TENM2: variants seen among roughly 807,000 people sequenced by gnomAD.
TENM2 encodes the protein teneurin-2.
In TENM2, 52 loss-of-function variants were observed where a neutral mutation model predicts 245.2. That is an observed-to-expected ratio of 0.21 (90% CI 0.17 to 0.27). The LOEUF (loss-of-function observed/expected upper bound fraction) is 0.27, where lower values mean the gene tolerates loss of function less well. TENM2 is among the 10% of genes least tolerant of loss of function. TENM2 has a pLI of 1.00. For synonymous variants in TENM2, 1,363 were observed against 1,438.9 expected (o/e 0.95, Z 1.19); for missense variants, 3,046 against 3,666.8 (o/e 0.83, Z 4.37).
intron 25 of TENM2, among the ~76,000 whole-genome samples, chr5:168,228,354 T>C (rs188199614): frequency 8.0e-4 from 122 of 152,336 alleles, no homozygotes; most frequent in African/African-American, 2.8e-3. Flanking sequence ...TTGGGACTCA[T>C]ACCTTGGGAA....
At chr5:167,306,064 T>G (rs1329537559) in intron 1 of TENM2, among the ~76,000 whole-genome samples, 1 of 152,092 alleles carries the variant, frequency 6.6e-6, no homozygotes, top group Non-Finnish European at 1.5e-5. Flanking sequence ...CTACCCAGGG[T>G]TGCTTAAGGG....
chr5:167,262,277 G>A, the TENM2 span, among the ~76,000 whole-genome samples: 2 of 151,690 alleles, frequency 1.3e-5, no homozygotes, highest in African/African-American at 2.4e-5. Flanking sequence ...AGAATCGCTT[G>A]AACCTGGGAG....
chr5:167,557,133 T>C (rs1480398565), intron 2 of TENM2, among the ~76,000 whole-genome samples: 1 of 152,252 alleles, frequency 6.6e-6, no homozygotes, highest in Non-Finnish European at 1.5e-5. Context: ...CATTGGCATG[T>C]GAAAATTTAA....
rs1250285630 is a variant in TENM2 at position 167,394,949 on chromosome 5, C to G, written c.502+19476C>G. Reference sequence around the variant, plus strand: ...GATGCCTCCAGCTTTGTTCTTCTTTCTCAAGATTGCTTTGGCTTTGAACCA... The same window carrying G: ...GATGCCTCCAGCTTTGTTCTTCTTTGTCAAGATTGCTTTGGCTTTGAACCA... On this transcript the variant is annotated intron_variant, in intron 2 of 28. Transcript: ENST00000518659. Among the ~76,000 whole-genome samples the G allele has an allele frequency of 2.0e-5, 3 of 152,108 alleles. No homozygotes were observed. In the East Asian group the frequency reaches 5.8e-4, roughly 29 times the overall value.
At chr5:167,696,980 A>C (rs1757809013) in intron 2 of TENM2, among the ~76,000 whole-genome samples, 1 of 152,250 alleles carries the variant, frequency 6.6e-6, no homozygotes, top group Non-Finnish European at 1.5e-5. Context: ...TGAGGCCGTC[A>C]ACCAGGCCCT....
chr5:168,042,155 C>T (rs1011603364), intron 5 of TENM2, among the ~76,000 whole-genome samples: 1 of 152,100 alleles, frequency 6.6e-6, no homozygotes, highest in Non-Finnish European at 1.5e-5. Flanking sequence ...TCTCTAAGGC[C>T]CTTGTGTATC....
chr5:168,027,886 G>A (rs777324706), intron 5 of TENM2, among the ~76,000 whole-genome samples: 2 of 152,132 alleles, frequency 1.3e-5, no homozygotes, highest in East Asian at 1.9e-4. Context: ...TAGGTACTAC[G>A]GCAGATTTAT....
intron 2 of TENM2, among the ~76,000 whole-genome samples, chr5:167,545,199 A>G (rs752202666): frequency 6.6e-6 from 1 of 152,158 alleles, no homozygotes; most frequent in Non-Finnish European, 1.5e-5. Context: ...TACTAAATGA[A>G]CATAATACTG....
chr5:167,190,510 T>TA, the TENM2 span, among the ~76,000 whole-genome samples: 2 of 152,068 alleles, frequency 1.3e-5, no homozygotes, highest in African/African-American at 4.8e-5. Context: ...CAAAAGTCTT[T>TA]AACATTGAGC....
intron 2 of TENM2, among the ~76,000 whole-genome samples, chr5:167,558,579 C>T (rs572899340): frequency 5.3e-5 from 8 of 152,198 alleles, no homozygotes; most frequent in Admixed American, 2.0e-4. Context: ...TTATGAAATG[C>T]GCATGCATGG....
At chr5:168,228,012 C>T in exon 25 of TENM2, 1 of 1,613,860 alleles carries the variant, frequency 6.2e-7, no homozygotes, top group East Asian at 2.2e-5. Context: ...ACCATCACCC[C>T]CACCATTGGA....
chr5:167,347,597 C>CA (rs1313943571), intron 1 of TENM2, among the ~76,000 whole-genome samples: 1 of 152,026 alleles, frequency 6.6e-6, no homozygotes, highest in Non-Finnish European at 1.5e-5. Flanking sequence ...TAATGGGGTA[C>CA]AAAGAAATGG....
chr5:167,717,378 A>T (rs1035038701), intron 2 of TENM2, among the ~76,000 whole-genome samples: 27 of 152,112 alleles, frequency 1.8e-4, no homozygotes, highest in African/African-American at 6.5e-4. Context: ...TACCCGCCTC[A>T]CTTTAAGTTC....
At chr5:167,648,808 T>C (rs569016901) in intron 2 of TENM2, among the ~76,000 whole-genome samples, 5 of 152,298 alleles carry the variant, frequency 3.3e-5, no homozygotes, top group Non-Finnish European at 5.9e-5. Context: ...TTTGAGGGAC[T>C]AGGAAACAGT....
chr5:167,167,238 C>G, the TENM2 span, among the ~76,000 whole-genome samples: 1 of 152,146 alleles, frequency 6.6e-6, no homozygotes, highest in East Asian at 1.9e-4. Context: ...GTCTAGGAGA[C>G]TACAGAGAGG....
At chr5:167,528,713 T>G (rs1010808828) in intron 2 of TENM2, among the ~76,000 whole-genome samples, 1 of 152,190 alleles carries the variant, frequency 6.6e-6, no homozygotes, top group Admixed American at 6.5e-5. Flanking sequence ...TATGTTGAAG[T>G]GTTCAGCGTT....
intron 4 of TENM2, among the ~76,000 whole-genome samples, chr5:167,985,677 T>C (rs1783190320): frequency 6.6e-6 from 1 of 152,222 alleles, no homozygotes; most frequent in African/African-American, 2.4e-5. Flanking sequence ...AGTACATTTC[T>C]TTTCACAGCC....
intron 1 of TENM2, among the ~76,000 whole-genome samples, chr5:167,325,628 T>C (rs1757033600): frequency 6.6e-6 from 1 of 152,218 alleles, no homozygotes; most frequent in Admixed American, 6.5e-5. Flanking sequence ...CCTAATTATA[T>C]CTTGTGGATT....
the TENM2 span, among the ~76,000 whole-genome samples, chr5:167,021,635 T>A: frequency 1.3e-5 from 2 of 152,260 alleles, no homozygotes; most frequent in South Asian, 2.1e-4. Context: ...TCTTTGTTCA[T>A]GAATCTAAAC....
Sources: allele counts gnomAD v4.1 joint callset (sites outside exome capture counted in the v4.1 genomes callset), GRCh38; gene constraint gnomAD v4.1.1; transcripts MANE v1.5; gene names NCBI Gene and HGNC (gene_info 2026-07-23, HGNC 2026-07-21).